CNTNAP2: variants seen among roughly 807,000 people sequenced by gnomAD.
CNTNAP2 encodes the protein contactin associated protein 2, also known as contactin-associated protein-like 2.
A neutral mutation model predicts 155.2 loss-of-function variants in CNTNAP2; 98 were observed. The ratio of observed to expected loss-of-function variants is 0.63; its 90% CI spans 0.54 to 0.75. CNTNAP2 has a LOEUF of 0.75. Ranked by LOEUF, CNTNAP2 falls within the 30% of genes least tolerant of loss-of-function variation. The pLI is 0.00. For synonymous variants in CNTNAP2, 651 were observed against 631.2 expected (o/e 1.03, Z -0.47); for missense variants, 1,727 against 1,688.1 (o/e 1.02, Z -0.40).
At chr7:148,240,043 C>A (rs559390939) in intron 20 of CNTNAP2, among the ~76,000 whole-genome samples, 1 of 152,188 alleles carries the variant, frequency 6.6e-6, no homozygotes, top group Admixed American at 6.5e-5. Context: ...GTTTCTGAAG[C>A]CTGATTTGGA....
intron 3 of CNTNAP2, among the ~76,000 whole-genome samples, chr7:147,012,092 G>T (rs1798638447): frequency 6.6e-6 from 1 of 152,136 alleles, no homozygotes; most frequent in South Asian, 2.1e-4. Flanking sequence ...TATTTGTGAT[G>T]CTTTTCTCTT....
In CNTNAP2 at chr7:146,457,527, T is replaced by G. The variant is rs1205507779; in HGVS notation, c.98-316744T>G. ...ATATATATATATATATATATATATA[T>G]ATATATATAGTCACCCAGGCTGGAG... On this transcript the variant is annotated intron_variant, in intron 1 of 23. Transcript: ENST00000361727. Among the ~76,000 whole-genome samples the G allele has an allele frequency of 2.4e-4, 17 of 71,690 alleles. 1 individual carries two copies. Among genetic ancestry groups the G allele is most frequent in the Non-Finnish European group, 4.2e-4 (15 of 36,038 alleles). The allele number at this position is 71,690 out of a possible 152,430, so 47.0% of individuals were successfully genotyped here.
intron 21 of CNTNAP2, among the ~76,000 whole-genome samples, chr7:148,331,789 G>A (rs5017154): frequency 0.51 from 9,984 of 19,642 alleles, 4,208 homozygotes; most frequent in African/African-American, 0.7. Flanking sequence ...GACAGATGGA[G>A]TGGATGGATA....
intron 3 of CNTNAP2, among the ~76,000 whole-genome samples, chr7:146,918,711 T>C (rs537239736): frequency 1.3e-5 from 2 of 152,356 alleles, no homozygotes; most frequent in African/African-American, 4.8e-5. Flanking sequence ...GCTTCTTGTA[T>C]TTGGATGTCT....
intron 1 of CNTNAP2, among the ~76,000 whole-genome samples, chr7:146,125,028 A>C (rs1262310203): frequency 3.9e-5 from 6 of 152,214 alleles, no homozygotes; most frequent in African/African-American, 1.4e-4. Flanking sequence ...TTATGATTTA[A>C]GTCACTTGGT....
chr7:147,250,840 G>A (rs896218524), intron 8 of CNTNAP2, among the ~76,000 whole-genome samples: 5 of 152,138 alleles, frequency 3.3e-5, no homozygotes, highest in South Asian at 2.1e-4. Flanking sequence ...CAGTCTGTCC[G>A]AGCAAGTCCT....
intron 15 of CNTNAP2, among the ~76,000 whole-genome samples, chr7:148,115,230 T>C (rs1585133232): frequency 6.6e-6 from 1 of 152,238 alleles, no homozygotes; most frequent in African/African-American, 2.4e-5. Flanking sequence ...ACTTTTCTCC[T>C]CTCTGCGGAT....
At chr7:148,177,562 A>T (rs1209793331) in intron 18 of CNTNAP2, among the ~76,000 whole-genome samples, 1 of 152,232 alleles carries the variant, frequency 6.6e-6, no homozygotes, top group African/African-American at 2.4e-5. Flanking sequence ...TAACAAGGAT[A>T]GCAGCTGGTA....
At chr7:146,341,410 T>A (rs1794724370) in intron 1 of CNTNAP2, among the ~76,000 whole-genome samples, 1 of 152,158 alleles carries the variant, frequency 6.6e-6, no homozygotes, top group South Asian at 2.1e-4. Flanking sequence ...TACTTTCCAT[T>A]ATACTGAAGA....
At chr7:148,354,258 A>C (rs77811407) in intron 21 of CNTNAP2, among the ~76,000 whole-genome samples, 5,694 of 144,548 alleles carry the variant, frequency 0.039, 112 homozygotes, top group African/African-American at 0.056. Flanking sequence ...TACTAGCATT[A>C]AATATTTTGT....
chr7:146,739,290 G>C (rs1319593989), intron 1 of CNTNAP2, among the ~76,000 whole-genome samples: 2 of 151,830 alleles, frequency 1.3e-5, no homozygotes, highest in African/African-American at 4.8e-5. Context: ...TCTTAGAATG[G>C]ATAAAGTAAT....
chr7:146,548,858 G>A (rs1338653877), intron 1 of CNTNAP2, among the ~76,000 whole-genome samples: 2 of 134,650 alleles, frequency 1.5e-5, no homozygotes, highest in Non-Finnish European at 3.1e-5. Flanking sequence ...GCTTTTTAGT[G>A]TGATATATTC....
At chr7:147,903,193 T>C (rs1187686487) in intron 13 of CNTNAP2, among the ~76,000 whole-genome samples, 1 of 152,200 alleles carries the variant, frequency 6.6e-6, no homozygotes, top group African/African-American at 2.4e-5. Flanking sequence ...TAGTATTGCA[T>C]TTTGGTTTTG....
chr7:147,178,630 G>A (rs1425213711), intron 8 of CNTNAP2, among the ~76,000 whole-genome samples: 1 of 152,120 alleles, frequency 6.6e-6, no homozygotes, highest in African/African-American at 2.4e-5. Flanking sequence ...TACTGTCTAT[G>A]CCCTAGGAAT....
At chr7:146,635,644 G>A (rs1799585162) in intron 1 of CNTNAP2, among the ~76,000 whole-genome samples, 1 of 152,090 alleles carries the variant, frequency 6.6e-6, no homozygotes, top group East Asian at 1.9e-4. Context: ...ACTGTAAGAG[G>A]CTTTTGTCTG....
intron 20 of CNTNAP2, among the ~76,000 whole-genome samples, chr7:148,238,088 C>A (rs144468175): frequency 0.042 from 6,381 of 152,276 alleles, 151 homozygotes; most frequent in Admixed American, 0.047. Context: ...CGGTGGCTCA[C>A]GCCTGTAATC....
intron 1 of CNTNAP2, among the ~76,000 whole-genome samples, chr7:146,755,065 G>C (rs10273868): frequency 0.089 from 13,453 of 151,842 alleles, 1,808 homozygotes; most frequent in African/African-American, 0.29. Context: ...TGGTATTTTA[G>C]GGTGATACTC....
chr7:146,293,005 T>TCAC (rs948712329), intron 1 of CNTNAP2, among the ~76,000 whole-genome samples: 1 of 152,150 alleles, frequency 6.6e-6, no homozygotes, highest in African/African-American at 2.4e-5. Context: ...TCAAATGTTC[T>TCAC]CACCACAAAA....
chr7:147,705,513 G>A (rs1435717699), intron 13 of CNTNAP2, among the ~76,000 whole-genome samples: 1 of 152,098 alleles, frequency 6.6e-6, no homozygotes, highest in African/African-American at 2.4e-5. Flanking sequence ...ATGGGAAGAA[G>A]GTGCATTCTG....
Sources: gnomAD v4.1 joint callset for allele counts (sites outside exome capture counted in the v4.1 genomes callset) on GRCh38, gnomAD v4.1.1 for gene constraint, MANE v1.5 for transcripts, NCBI Gene and HGNC (gene_info 2026-07-23, HGNC 2026-07-21) for gene names.